The following BTAF1 variants were observed in gnomAD, a reference collection of about 807,000 sequenced individuals.
BTAF1 encodes B-TFIID TATA-box binding protein associated factor 1, also known as TATA-binding protein-associated factor 172.
BTAF1 carries 38 observed loss-of-function variants against 227.1 expected under a neutral mutation model. The ratio of observed to expected loss-of-function variants is 0.17; its 90% confidence interval spans 0.13 to 0.22. The LOEUF (loss-of-function observed/expected upper bound fraction) is 0.22. Among genes scored for constraint, BTAF1 ranks in the 10% least tolerant of loss-of-function variants. BTAF1 has a pLI of 1.00. For synonymous variants in BTAF1, 742 were observed against 751.9 expected, an observed-to-expected ratio of 0.99 and a Z score of 0.21; for missense variants, 1,598 against 2,204.0, an observed-to-expected ratio of 0.73 and a Z score of 5.51.
rs569324428 is a variant in BTAF1 at position 91,970,589 on chromosome 10, C to T, written c.1650+3832C>T. On this transcript the variant is annotated intron_variant, in intron 14 of 37. Transcript: ENST00000265990. ...GAGAACAGCACAGGAAAGACCCACT[C>T]CGTGATTCACTTATCTCCCACTGGG... 1.6e-4 allele frequency among the ~76,000 whole-genome samples: 24 copies of T among 152,294 alleles called. No homozygotes were observed. The South Asian group carries it at 4.6e-3, about 29-fold the overall frequency.
chr10:91,988,220 A>AT (rs925302885), intron 19 of BTAF1, among the ~76,000 whole-genome samples: 1 of 152,120 alleles, frequency 6.6e-6, no homozygotes, highest in Non-Finnish European at 1.5e-5. Context: ...TAGTCTCTGC[A>AT]TTTTTTGAGC....
intron 33 of BTAF1, 97 bp from the exon 34 acceptor site, chr10:92,018,686 T>A (rs115290911): frequency 8.6e-7 from 1 of 1,164,406 alleles, no homozygotes. Context: ...AAAGGCATTC[T>A]AAACAGCATA....
intron 35 of BTAF1, 47 bp from the exon 36 acceptor site, chr10:92,026,545 A>G (rs1436027949): frequency 2.0e-6 from 3 of 1,463,510 alleles, no homozygotes; most frequent in African/African-American, 2.8e-5. Flanking sequence ...AGTTTCTGTT[A>G]TAGGACTTAA....
At chr10:91,953,437 T>A (rs761718592) in intron 5 of BTAF1, among the ~76,000 whole-genome samples, 4 of 152,170 alleles carry the variant, frequency 2.6e-5, no homozygotes, top group Non-Finnish European at 5.9e-5. Context: ...TATTTTGAAG[T>A]CTTACCTCTT....
chr10:91,993,635 T>A, intron 21 of BTAF1, 59 bp from the exon 22 acceptor site: 3 of 1,270,958 alleles, frequency 2.4e-6, no homozygotes, highest in Non-Finnish European at 2.1e-6. Context: ...TTTGTTAAAA[T>A]TTTAAATGTA....
chr10:91,959,951 TGA>T, intron 10 of BTAF1, 25 bp from the exon 11 acceptor site: 1 of 1,601,024 alleles, frequency 6.2e-7, no homozygotes, highest in Admixed American at 1.7e-5. Context: ...TTTGCAAATA[TGA>T]GTTTTCTTCC....
chr10:92,007,589 T>C (rs1850015453), intron 25 of BTAF1, among the ~76,000 whole-genome samples: 1 of 152,240 alleles, frequency 6.6e-6, no homozygotes, highest in Non-Finnish European at 1.5e-5. Context: ...CTAAGAAATA[T>C]GACTACTAGC....
intron 17 of BTAF1, 112 bp downstream of exon 17, chr10:91,982,337 T>A (rs909758035): frequency 7.0e-7 from 1 of 1,432,982 alleles, no homozygotes; most frequent in African/African-American, 1.4e-5. Flanking sequence ...CCTTCCTTCA[T>A]CACACTAATT....
At chr10:91,999,664 A>G (rs988359822) in intron 25 of BTAF1, among the ~76,000 whole-genome samples, 2 of 152,212 alleles carry the variant, frequency 1.3e-5, no homozygotes, top group African/African-American at 2.4e-5. Flanking sequence ...AAGTGCTGGG[A>G]TTACAGACGT....
At chr10:92,009,302 C>G in intron 28 of BTAF1, 94 bp downstream of exon 28, 1 of 1,335,716 alleles carries the variant, frequency 7.5e-7, no homozygotes, top group South Asian at 1.4e-5. Context: ...CTAATTAGCT[C>G]TTTTGGTTGT....
Position 91,966,948 on chromosome 10 carries a change from A to T in BTAF1, c.1650+191A>T, listed in dbSNP as rs931014274. ...ATTTTAATATTTTGTTCTAGATTGTATTCTCACCACTTGAAATCATGCTTA... is the reference window on the plus strand; with the variant it reads ...ATTTTAATATTTTGTTCTAGATTGTTTTCTCACCACTTGAAATCATGCTTA... On this transcript the variant is annotated intron_variant, in intron 14 of 37. Coordinates refer to ENST00000265990, the MANE Select transcript of BTAF1 (RefSeq NM_003972.3). Among the ~76,000 whole-genome samples, 16 of 152,228 alleles carry T rather than the reference A, an allele frequency of 1.1e-4. 1 individual carries two copies. The highest frequency in any genetic ancestry group is 3.3e-4 in the Admixed American group (5 of 15,272).
At chr10:91,959,953 A>T in intron 10 of BTAF1, 25 bp from the exon 11 acceptor site, 2 of 1,600,042 alleles carry the variant, frequency 1.2e-6, no homozygotes, top group Non-Finnish European at 1.7e-6. Context: ...TGCAAATATG[A>T]GTTTTCTTCC....
At chr10:91,977,287 G>A (rs1418286068) in intron 14 of BTAF1, among the ~76,000 whole-genome samples, 1 of 152,112 alleles carries the variant, frequency 6.6e-6, no homozygotes, top group Non-Finnish European at 1.5e-5. Flanking sequence ...AGGAAGAAAC[G>A]CCATTTCCAT....
At chr10:91,949,959 A>T (rs905308208) in intron 4 of BTAF1, among the ~76,000 whole-genome samples, 1 of 151,954 alleles carries the variant, frequency 6.6e-6, no homozygotes, top group Non-Finnish European at 1.5e-5. Flanking sequence ...AAACATAATA[A>T]ACCCCATCTC....
At chr10:92,026,133 C>G (rs1225756404) in intron 35 of BTAF1, among the ~76,000 whole-genome samples, 2 of 151,946 alleles carry the variant, frequency 1.3e-5, no homozygotes, top group African/African-American at 4.8e-5. Context: ...TTAGTTTTTT[C>G]TTTTTCCTAG....
At chr10:91,950,148 T>TGTTGGGGG (rs1554851556) in intron 4 of BTAF1, among the ~76,000 whole-genome samples, 2 of 24,428 alleles carry the variant, frequency 8.2e-5, no homozygotes, top group East Asian at 9.9e-4. Flanking sequence ...TTGTCCTTTG[T>TGTTGGGGG]GGGGGGGGGC....
At chr10:91,973,739 C>T (rs868810169) in intron 14 of BTAF1, among the ~76,000 whole-genome samples, 9 of 151,484 alleles carry the variant, frequency 5.9e-5, no homozygotes, top group African/African-American at 2.2e-4. Flanking sequence ...CCCGTCTCTA[C>T]TAAAAATACA....
In BTAF1 at chr10:92,027,290, C is replaced by T; in HGVS notation, c.5396C>T (p.Thr1799Ile). 1.9e-6 allele frequency: 3 copies of T among 1,605,936 alleles called. No homozygotes were observed. Among genetic ancestry groups the T allele is most frequent in the Non-Finnish European group, 2.5e-6 (3 of 1,177,844 alleles). ...MGTDQLLDLFTLDKDGKAEKA... is the reference protein window; with the variant it reads ...MGTDQLLDLFILDKDGKAEKA... Reference sequence around the variant, plus strand: ...ACTGATCAGCTTCTTGATCTGTTTACTCTTGATAAGGTAAAGAACTTACAC... The same window carrying T: ...ACTGATCAGCTTCTTGATCTGTTTATTCTTGATAAGGTAAAGAACTTACAC... The change falls in exon 37 of 38, where the codon ACT becomes ATT. Residue 1799 changes from threonine to isoleucine, a missense_variant. Thr to Ile is a moderately conservative substitution (Grantham distance 89). This residue lies in a region of BTAF1 where 79 missense variants were observed against 97.9 expected (regional missense o/e 0.81). Coordinates refer to ENST00000265990, the MANE Select transcript of BTAF1 (RefSeq NM_003972.3).
At chr10:91,936,431 A>G (rs779522748) in intron 2 of BTAF1, among the ~76,000 whole-genome samples, 18 of 152,132 alleles carry the variant, frequency 1.2e-4, no homozygotes, top group Non-Finnish European at 2.1e-4. Flanking sequence ...TTGCCCAGAT[A>G]TAGGGAGCCT....
Sources: gnomAD v4.1 joint callset for allele counts (sites outside exome capture counted in the v4.1 genomes callset) on GRCh38, gnomAD v4.1.1 for gene constraint, gnomAD v4.1.1 regional missense constraint, MANE v1.5 for transcripts, NCBI Gene and HGNC (gene_info 2026-07-23, HGNC 2026-07-21) for gene names.